The following ZNF385D variants were observed in gnomAD, a reference collection of about 807,000 sequenced individuals.
ZNF385D encodes the protein zinc finger protein 385D.
A neutral mutation model predicts 35.8 loss-of-function variants in ZNF385D; 15 were observed. The ratio of observed to expected loss-of-function variants is 0.42; its 90% confidence interval spans 0.28 to 0.64. ZNF385D has a LOEUF of 0.64. Among genes scored for constraint, ZNF385D ranks in the 30% least tolerant of loss-of-function variants. The pLI, the probability that ZNF385D is intolerant of heterozygous loss-of-function variation, is 0.23. For synonymous variants in ZNF385D, 212 were observed against 186.8 expected, an observed-to-expected ratio of 1.13 and a Z score of -1.10; for missense variants, 474 against 494.6, an observed-to-expected ratio of 0.96 and a Z score of 0.39.
intron 3 of ZNF385D, among the ~76,000 whole-genome samples, chr3:21,905,686 G>T (rs1340209680): frequency 2.5e-5 from 2 of 81,136 alleles, no homozygotes; most frequent in Admixed American, 2.8e-4. Flanking sequence ...GATCATCTGT[G>T]GTAATATATA....
chr3:21,772,989 G>A (rs1394140913), intron 3 of ZNF385D, among the ~76,000 whole-genome samples: 3 of 151,852 alleles, frequency 2.0e-5, no homozygotes, highest in Non-Finnish European at 4.4e-5. Context: ...CTTTTATGAG[G>A]TACTTAGAGT....
chr3:21,863,720 T>C (rs1269341421), intron 3 of ZNF385D, among the ~76,000 whole-genome samples: 2 of 152,094 alleles, frequency 1.3e-5, no homozygotes, highest in African/African-American at 2.4e-5. Context: ...AGAAAGACAG[T>C]TGAATTATGT....
chr3:22,304,126 T>C lies in ZNF385D; in HGVS notation c.106+68324A>G, dbSNP rs183012502. Among the ~76,000 whole-genome samples the C allele has an allele frequency of 2.7e-3, 408 of 152,296 alleles. 2 individuals are homozygous for C. Among genetic ancestry groups the C allele is most frequent in the African/African-American group, 9.5e-3 (393 of 41,570 alleles). ...CTTCAACTATAATTCTTAATAAAAA[T>C]CTGGCTTAGGTCTATTGCATAGATC... On this transcript the variant is annotated intron_variant, in intron 2 of 5. Coordinates refer to the ZNF385D transcript ENST00000494108.
chr3:21,912,721 G>T (rs1033564499), intron 3 of ZNF385D, among the ~76,000 whole-genome samples: 17 of 151,996 alleles, frequency 1.1e-4, no homozygotes, highest in Admixed American at 2.0e-4. Flanking sequence ...TTCAATTAAT[G>T]ATATTATATG....
chr3:22,341,614 T>A (rs1380584953), intron 2 of ZNF385D, among the ~76,000 whole-genome samples: 1 of 152,200 alleles, frequency 6.6e-6, no homozygotes, highest in Non-Finnish European at 1.5e-5. Flanking sequence ...CCTTTATTCC[T>A]CCTCCATTAC....
chr3:21,639,908 A>G (rs145038425), intron 2 of ZNF385D, among the ~76,000 whole-genome samples: 1 of 152,216 alleles, frequency 6.6e-6, no homozygotes, highest in African/African-American at 2.4e-5. Flanking sequence ...AATTGAGACC[A>G]AACATTTCAG....
intron 3 of ZNF385D, among the ~76,000 whole-genome samples, chr3:21,860,883 T>C (rs940939437): frequency 3.3e-5 from 5 of 152,236 alleles, no homozygotes; most frequent in Non-Finnish European, 7.4e-5. Context: ...GGGCAGACTG[T>C]AATAACATCC....
chr3:21,768,097 T>A (rs559737599), intron 3 of ZNF385D, among the ~76,000 whole-genome samples: 2 of 152,194 alleles, frequency 1.3e-5, no homozygotes, highest in African/African-American at 2.4e-5. Flanking sequence ...AGGAGATAAC[T>A]TAGTGGGATA....
At chr3:21,921,817 C>CAA (rs1464620610) in intron 3 of ZNF385D, among the ~76,000 whole-genome samples, 1 of 147,564 alleles carries the variant, frequency 6.8e-6, no homozygotes, top group Admixed American at 6.8e-5. Flanking sequence ...AACAGACCAG[C>CAA]AAGTTTTGAA....
At chr3:21,732,028 G>T (rs6771510) in intron 1 of ZNF385D, among the ~76,000 whole-genome samples, 35,711 of 38,848 alleles carry the variant, frequency 0.92, 16,322 homozygotes, top group African/African-American at 0.96. Context: ...TCTTTTTTCG[G>T]GGTTTTTTTT....
At position 21,564,702 on chromosome 3, in the gene ZNF385D, A is replaced by C. The variant is rs769123304; in HGVS notation, c.166-18T>G. The C allele has an allele frequency of 1.0e-5, 15 of 1,442,628 alleles. No homozygotes were observed. Among genetic ancestry groups the C allele is most frequent in the Non-Finnish European group, 1.4e-5 (15 of 1,062,828 alleles). The allele number at this position is 1,442,628 out of a possible 1,614,324, so 89.4% of individuals were successfully genotyped here. A position where few individuals can be genotyped will look rare whatever the true frequency, so the allele number is the denominator to read the frequency against. ...GGGTCCATCTGTAATGAGAAAAAAG[A>C]AATACAACAAATAGAAATAAAGCTT... On this transcript the variant is annotated intron_variant, in intron 2 of 7. Transcript: ENST00000281523.
intron 3 of ZNF385D, among the ~76,000 whole-genome samples, chr3:21,960,627 C>T (rs1002196262): frequency 1.3e-5 from 2 of 152,082 alleles, no homozygotes; most frequent in East Asian, 1.9e-4. Context: ...AAAAAGGACA[C>T]CTACACTCCT....
In ZNF385D at chr3:21,974,893, G is replaced by A. The variant is rs527366520; in HGVS notation, c.325+193924C>T. ...ATATCATCTTATCCCAGTTAAAAGG[G>A]TTTTGTCCAAAAGACAGACAATAGC... On this transcript the variant is annotated intron_variant, in intron 3 of 5. Transcript: ENST00000494108. 3.5e-4 allele frequency among the ~76,000 whole-genome samples: 54 copies of A among 152,264 alleles called. 1 individual carries two copies. In the South Asian group the frequency reaches 0.011, roughly 30 times the overall value.
upstream of ZNF385D, chr3:21,751,384 GAGAAGAGT>G: frequency 9.8e-7 from 1 of 1,020,712 alleles, no homozygotes; most frequent in Non-Finnish European, 1.2e-6. Flanking sequence ...CTCTTAAAGC[GAGAAGAGT>G]GTCGGGATCC....
chr3:22,119,444 T>C (rs1013861760), intron 3 of ZNF385D, among the ~76,000 whole-genome samples: 4 of 152,184 alleles, frequency 2.6e-5, no homozygotes, highest in Admixed American at 6.6e-5. Context: ...GGGGGGAATA[T>C]GCTTTTGTTT....
intron 3 of ZNF385D, among the ~76,000 whole-genome samples, chr3:22,031,430 C>T (rs1316985070): frequency 1.3e-5 from 2 of 152,152 alleles, no homozygotes; most frequent in South Asian, 2.1e-4. Context: ...TTCTGCACAC[C>T]CGTAGACCCA....
chr3:22,123,962 C>CTCTATATATATATATA (rs1491571691), intron 3 of ZNF385D, among the ~76,000 whole-genome samples: 2 of 61,840 alleles, frequency 3.2e-5, no homozygotes, highest in African/African-American at 1.2e-4. Flanking sequence ...CTCTCTCTCT[C>CTCTATATATATATATA]TATATATATA....
intron 3 of ZNF385D, among the ~76,000 whole-genome samples, chr3:21,905,111 A>G (rs1334228983): frequency 2.5e-4 from 38 of 150,372 alleles, no homozygotes; most frequent in Admixed American, 2.5e-3. Flanking sequence ...ATTAGAGATT[A>G]TGACATTATA....
chr3:22,255,173 T>C (rs953722831), intron 2 of ZNF385D, among the ~76,000 whole-genome samples: 3 of 150,802 alleles, frequency 2.0e-5, no homozygotes, highest in Admixed American at 6.6e-5. Context: ...CCTTGAAAAA[T>C]GCTCATAAGA....
Sources: allele counts gnomAD v4.1 joint callset (sites outside exome capture counted in the v4.1 genomes callset), GRCh38; gene constraint gnomAD v4.1.1; transcripts MANE v1.5; gene names NCBI Gene and HGNC (gene_info 2026-07-23, HGNC 2026-07-21).